The following ZNF626 variants were observed in gnomAD, a reference collection of about 807,000 sequenced individuals.
ZNF626 encodes CTC-513N18.7.
Under a neutral mutation model 11.7 loss-of-function variants are expected in ZNF626, and 4 were observed. The observed-to-expected ratio is 0.34, with a 90% CI of 0.17 to 0.78. The LOEUF (loss-of-function observed/expected upper bound fraction) is 0.78. Among genes scored for constraint, ZNF626 ranks in the 30% least tolerant of loss-of-function variants. The pLI, the probability that ZNF626 is intolerant of heterozygous loss-of-function variation, is 0.57. For missense variants in ZNF626, 588 were observed against 587.1 expected, an observed-to-expected ratio of 1.00 and a Z score of -0.01; for synonymous variants, 179 against 198.6, an observed-to-expected ratio of 0.90 and a Z score of 0.83.
rs368183397 is a variant in ZNF626 at position 20,640,186 on chromosome 19, T to C, written c.226+5498A>G. On this transcript the variant is annotated intron_variant, in intron 3 of 3. Transcript: ENST00000601440. ...AAAATATATTTTTAATAAAATATTA[T>C]TTAAAATATTTTAATTTTTTAATAT... Among the ~76,000 whole-genome samples the C allele has an allele frequency of 1.5e-4, 15 of 97,246 alleles. No individual in the cohort carries two copies. In the East Asian group the frequency reaches 4.2e-3, roughly 27 times the overall value. 63.8% of individuals were successfully genotyped at this position (97,246 alleles called of 152,430 possible).
Position 20,623,981 on chromosome 19 carries a change from G to C in ZNF626, c.*309C>G. On this transcript the variant is annotated 3_prime_UTR_variant, in exon 4 of 4. Transcript: ENST00000601440. ...ATCAATTCTTAGTTAGAAATTGAGG[G>C]CTGGTTAAAAGATTTTCCCCATTCA... The C allele has an allele frequency of 1.9e-6, 1 of 519,906 alleles. No individual in the cohort carries two copies. The highest frequency in any genetic ancestry group is 3.5e-6 in the Non-Finnish European group (1 of 284,004). The allele number at this position is 519,906 out of a possible 1,614,324, so 32.2% of individuals were successfully genotyped here.
rs1478467097 is a variant in ZNF626 at position 20,623,782 on chromosome 19, A to C, written c.*508T>G. The C allele has an allele frequency of 8.3e-6, 2 of 240,294 alleles. No homozygotes were observed. Among genetic ancestry groups the C allele is most frequent in the African/African-American group, 2.5e-5 (1 of 40,808 alleles). The allele number at this position is 240,294 out of a possible 1,614,324, so 14.9% of individuals were successfully genotyped here. On this transcript the variant is annotated 3_prime_UTR_variant, in exon 4 of 4. Coordinates refer to ENST00000601440, the MANE Select transcript of ZNF626 (RefSeq NM_001076675.3). ...CTATTGCACACCAGACTGGGTGACAAGAGTTGAAACTCCATCTCAAAAAAA... is the reference window on the plus strand; with the variant it reads ...CTATTGCACACCAGACTGGGTGACACGAGTTGAAACTCCATCTCAAAAAAA...
rs998044266 is a variant in ZNF626, at chr19:20,621,901, A to G, written c.*2389T>C. On this transcript the variant is annotated 3_prime_UTR_variant, in exon 4 of 4. Coordinates refer to ENST00000601440, the MANE Select transcript of ZNF626 (RefSeq NM_001076675.3). ...TTAAGATGGTAAAAAATAAAATAAA[A>G]TTAGGCTGGACATATTGGCTCACAC... 4 of 152,164 alleles carry G rather than the reference A, an allele frequency of 2.6e-5. No individual in the cohort carries two copies. The highest frequency in any genetic ancestry group is 5.9e-5 in the Non-Finnish European group (4 of 68,026). 9.4% of individuals were successfully genotyped at this position (152,164 alleles called of 1,614,324 possible). A position where few individuals can be genotyped will look rare whatever the true frequency, so the allele number is the denominator to read the frequency against.
chr19:20,638,186 G>A (rs2144777004), intron 3 of ZNF626, among the ~76,000 whole-genome samples: 1 of 152,144 alleles, frequency 6.6e-6, no homozygotes, highest in East Asian at 1.9e-4. Flanking sequence ...ACTTTGGGAG[G>A]CCGAAATGGG....
chr19:20,637,030 A>AAAAC (rs1969973532), intron 3 of ZNF626, among the ~76,000 whole-genome samples: 1 of 151,288 alleles, frequency 6.6e-6, no homozygotes, highest in Non-Finnish European at 1.5e-5. Flanking sequence ...AAAAAAAAAA[A>AAAAC]AAAAAAAAGG....
chr19:20,652,299 GAA>G (rs3078663), intron 1 of ZNF626, among the ~76,000 whole-genome samples: 17 of 136,764 alleles, frequency 1.2e-4, no homozygotes, highest in Admixed American at 3.0e-4. Flanking sequence ...AAGTCTACAT[GAA>G]AAAAAAAAAA....
intron 1 of ZNF626, among the ~76,000 whole-genome samples, chr19:20,656,992 A>T (rs1374672241): frequency 6.6e-6 from 1 of 152,260 alleles, no homozygotes; most frequent in Non-Finnish European, 1.5e-5. Context: ...AGACATATTC[A>T]CATGCATGTT....
At chr19:20,649,682 G>C (rs1314454494) in intron 1 of ZNF626, among the ~76,000 whole-genome samples, 5 of 152,184 alleles carry the variant, frequency 3.3e-5, no homozygotes, top group Non-Finnish European at 7.3e-5. Context: ...ACGGAGCTAA[G>C]CATTTTCTCT....
intron 3 of ZNF626, among the ~76,000 whole-genome samples, chr19:20,630,561 T>A (rs1175727612): frequency 6.6e-6 from 1 of 152,122 alleles, no homozygotes; most frequent in African/African-American, 2.4e-5. Context: ...TCTAGTTTAT[T>A]TGCATAGAGG....
chr19:20,637,409 T>C (rs1316993469), intron 3 of ZNF626, among the ~76,000 whole-genome samples: 1 of 148,912 alleles, frequency 6.7e-6, no homozygotes, highest in Non-Finnish European at 1.5e-5. Context: ...CACTTGTACC[T>C]GGGAGATGGA....
intron 1 of ZNF626, among the ~76,000 whole-genome samples, chr19:20,655,005 A>G (rs1970189406): frequency 6.6e-6 from 1 of 151,850 alleles, no homozygotes; most frequent in Non-Finnish European, 1.5e-5. Context: ...CCAGCTACTC[A>G]GGGTACTGAG....
intron 3 of ZNF626, among the ~76,000 whole-genome samples, chr19:20,631,968 C>T (rs10414560): frequency 0.45 from 68,756 of 151,388 alleles, 17,021 homozygotes; most frequent in African/African-American, 0.66. Flanking sequence ...TCAGGAGCTC[C>T]TTTAGGGCAG....
In ZNF626 at chr19:20,625,241, G is replaced by A. The variant is rs1278379705; in HGVS notation, c.636C>T (p.His212=). 5 of 1,612,020 alleles carry A rather than the reference G, an allele frequency of 3.1e-6. No individual in the cohort carries two copies. Among genetic ancestry groups the A allele is most frequent in the Non-Finnish European group, 4.2e-6 (5 of 1,179,688 alleles). The change falls in exon 4 of 4, where the codon CAC becomes CAT. Residue 212 remains histidine (H), a synonymous_variant. Transcript: ENST00000601440. ...KCEECGKAFN[H]SCSLTRHKKI... ...TCTTATGTCTAGTAAGGCTACAAGA[G>A]TGGTTAAAGGCTTTGCCACATTCTT...
chr19:20,621,559 G>C lies in ZNF626; in HGVS notation c.*2731C>G, dbSNP rs1298269502. The C allele has an allele frequency of 6.6e-6, 1 of 152,158 alleles. No homozygotes were observed. The highest frequency in any genetic ancestry group is 1.5e-5 in the Non-Finnish European group (1 of 68,032). The allele number at this position is 152,158 out of a possible 1,614,324, so 9.4% of individuals were successfully genotyped here. Reference sequence around the variant, plus strand: ...TTTGGATTAGAAAGGATAAATGCTAGAGGTGACAGATACCTTATTTACCCT... The same window carrying C: ...TTTGGATTAGAAAGGATAAATGCTACAGGTGACAGATACCTTATTTACCCT... On this transcript the variant is annotated 3_prime_UTR_variant, in exon 4 of 4. Transcript: ENST00000601440.
chr19:20,642,789 G>A (rs1970037280), intron 3 of ZNF626, among the ~76,000 whole-genome samples: 2 of 152,154 alleles, frequency 1.3e-5, no homozygotes, highest in South Asian at 4.1e-4. Context: ...AGGCTGAGGC[G>A]GGCGGATCAC....
chr19:20,634,788 A>G (rs976914314), intron 3 of ZNF626, among the ~76,000 whole-genome samples: 4 of 152,264 alleles, frequency 2.6e-5, no homozygotes, highest in African/African-American at 9.6e-5. Flanking sequence ...TGGAATCTAA[A>G]GAGTTAATAA....
intron 1 of ZNF626, among the ~76,000 whole-genome samples, chr19:20,653,024 C>T (rs1970164263): frequency 6.6e-6 from 1 of 152,124 alleles, no homozygotes; most frequent in South Asian, 2.1e-4. Context: ...GAAATCTGAT[C>T]TAGACTCTCT....
At chr19:20,631,482 C>A (rs1456894208) in intron 3 of ZNF626, among the ~76,000 whole-genome samples, 1 of 151,590 alleles carries the variant, frequency 6.6e-6, no homozygotes. Context: ...GTATTGGGTG[C>A]ATATATATTT....
intron 3 of ZNF626, among the ~76,000 whole-genome samples, chr19:20,634,740 T>C (rs1255775773): frequency 6.6e-6 from 1 of 152,216 alleles, no homozygotes; most frequent in African/African-American, 2.4e-5. Flanking sequence ...AAATTTCTCA[T>C]TGCACTTTTG....
Sources: allele counts gnomAD v4.1 joint callset (sites outside exome capture counted in the v4.1 genomes callset), GRCh38; gene constraint gnomAD v4.1.1; transcripts MANE v1.5; gene names NCBI Gene and HGNC (gene_info 2026-07-23, HGNC 2026-07-21).